The following FBN2 variants were observed in gnomAD, a reference collection of about 807,000 sequenced individuals.
FBN2 encodes fibrillin-2.
A neutral mutation model predicts 355.6 loss-of-function variants in FBN2; 105 were observed. The observed-to-expected ratio is 0.30, with a 90% confidence interval of 0.25 to 0.35. FBN2 has a LOEUF of 0.35. Among genes scored for constraint, FBN2 ranks in the 10% least tolerant of loss-of-function variants. The pLI, the probability that FBN2 is intolerant of heterozygous loss-of-function variation, is 1.00. For synonymous variants in FBN2, 1,350 were observed against 1,301.2 expected (o/e 1.04, Z -0.81); for missense variants, 3,280 against 3,758.7 (o/e 0.87, Z 3.33).
chr5:128,343,254 G>A (rs971810875), intron 25 of FBN2, among the ~76,000 whole-genome samples: 2 of 152,214 alleles, frequency 1.3e-5, no homozygotes, highest in African/African-American at 4.8e-5. Flanking sequence ...GGAGGTGAAT[G>A]CAGTAATCTC....
chr5:128,388,565 A>G (rs1220320491), intron 11 of FBN2, among the ~76,000 whole-genome samples: 4 of 152,188 alleles, frequency 2.6e-5, no homozygotes, highest in African/African-American at 7.2e-5. Flanking sequence ...TGCTTGTCTG[A>G]AAAATATTTT....
At position 128,291,566 on chromosome 5, in the gene FBN2, A is replaced by AG; in HGVS notation, c.6254dup (p.Gly2086TrpfsTer6). ...GTCCATTATCAGATAGTACAAAGCC[A>AG]GGGGGGCAGAGGCACTGGAAGCCCC... On this transcript the variant is annotated frameshift_variant, in exon 49 of 65. Transcript: ENST00000262464. LOFTEE classifies it high-confidence loss of function. 6.2e-7 allele frequency: 1 copy of AG among 1,614,004 alleles called. No individual in the cohort carries two copies. The highest frequency in any genetic ancestry group is 1.1e-5 in the South Asian group (1 of 91,078).
chr5:128,281,980 G>A lies in FBN2; in HGVS notation c.7013-1663C>T, dbSNP rs188490665. Among the ~76,000 whole-genome samples the A allele has an allele frequency of 1.2e-4, 18 of 152,224 alleles. 1 individual carries two copies. Among genetic ancestry groups the A allele is most frequent in the Admixed American group, 2.6e-4 (4 of 15,278 alleles). On this transcript the variant is annotated intron_variant, in intron 55 of 64. Transcript: ENST00000262464. ...GCTGGGATTACAGGTGCGAGCCACCGTGCCCGGCAGGTAATTATTTAAGAG... is the reference window on the plus strand; with the variant it reads ...GCTGGGATTACAGGTGCGAGCCACCATGCCCGGCAGGTAATTATTTAAGAG...
At chr5:128,407,329 G>A (rs1159655667) in intron 8 of FBN2, among the ~76,000 whole-genome samples, 1 of 152,106 alleles carries the variant, frequency 6.6e-6, no homozygotes, top group East Asian at 1.9e-4. Flanking sequence ...GCTATTAGAA[G>A]GACCATATGA....
At chr5:128,334,628 C>A (rs960365065) in intron 31 of FBN2, 91 bp downstream of exon 31, 62 of 1,375,070 alleles carry the variant, frequency 4.5e-5, no homozygotes, top group Middle Eastern at 3.6e-4. Context: ...CAGGTAACCG[C>A]TCTAAGAGAT....
intron 5 of FBN2, 132 bp downstream of exon 5, chr5:128,519,141 A>T (rs1377565173): frequency 1.3e-6 from 1 of 742,496 alleles, no homozygotes; most frequent in Non-Finnish European, 2.4e-6. Context: ...TTACCATTCA[A>T]CTTAGAGACA....
intron 34 of FBN2, chr5:128,328,444 T>C (rs1253710120): frequency 8.4e-5 from 51 of 607,836 alleles, no homozygotes; most frequent in Non-Finnish European, 1.4e-4. Flanking sequence ...AGAGAAGAAA[T>C]GGTTAAAAAA....
At chr5:128,534,807 T>C (rs1357908040) in intron 2 of FBN2, among the ~76,000 whole-genome samples, 1 of 152,206 alleles carries the variant, frequency 6.6e-6, no homozygotes, top group Non-Finnish European at 1.5e-5. Context: ...AATCTGACTT[T>C]ACAGATTTTC....
At chr5:128,447,726 T>C (rs1425151177) in intron 6 of FBN2, among the ~76,000 whole-genome samples, 1 of 152,210 alleles carries the variant, frequency 6.6e-6, no homozygotes, top group Non-Finnish European at 1.5e-5. Context: ...TGAAAATCAC[T>C]AATAAAAACT....
At chr5:128,275,428 C>T (rs994922540) in intron 59 of FBN2, among the ~76,000 whole-genome samples, 3 of 141,678 alleles carry the variant, frequency 2.1e-5, no homozygotes, top group African/African-American at 8.1e-5. Flanking sequence ...CAGGTCCAAG[C>T]GGTGCTTGCT....
Position 128,372,903 on chromosome 5 carries a change from A to G in FBN2, c.2095+1725T>C, listed in dbSNP as rs147255406. On this transcript the variant is annotated intron_variant, in intron 15 of 64. Coordinates refer to ENST00000262464, the MANE Select transcript of FBN2 (RefSeq NM_001999.4). Reference sequence around the variant, plus strand: ...TGGAATCCCAAAGTGTTGGGATTACAGGCATGAGCCACTGCGCCAGGCCTC... The same window carrying G: ...TGGAATCCCAAAGTGTTGGGATTACGGGCATGAGCCACTGCGCCAGGCCTC... Among the ~76,000 whole-genome samples the G allele has an allele frequency of 9.2e-5, 14 of 152,328 alleles. No homozygotes were observed. The East Asian group carries it at 2.7e-3, about 29-fold the overall frequency.
intron 5 of FBN2, among the ~76,000 whole-genome samples, chr5:128,479,922 G>GTC (rs1378546978): frequency 8.5e-6 from 1 of 117,654 alleles, no homozygotes; most frequent in Admixed American, 9.3e-5. Context: ...ACAAGACCTT[G>GTC]TCTCCTTGTC....
Position 128,366,485 on chromosome 5 carries a change from T to A in FBN2, c.2249-55A>T, listed in dbSNP as rs1419802503. ...AAAACTTAACTATACCTATTCCATA[T>A]ACAAGTCATTTCATAACTCCAAAAC... On this transcript the variant is annotated intron_variant, in intron 16 of 64. Transcript: ENST00000262464. 5 of 1,065,828 alleles carry A rather than the reference T, an allele frequency of 4.7e-6. No individual in the cohort carries two copies. In the African/African-American group the frequency reaches 7.8e-5, roughly 17 times the overall value. The allele number at this position is 1,065,828 out of a possible 1,614,324, so 66.0% of individuals were successfully genotyped here.
In FBN2 at chr5:128,317,682, G is replaced by A. The variant is rs114251378; in HGVS notation, c.4717+467C>T. ...CCACAGATTCTGAACCTTCATTACGGCCTCCTCCTCCTCCCTGTCACCTTC... is the reference window on the plus strand; with the variant it reads ...CCACAGATTCTGAACCTTCATTACGACCTCCTCCTCCTCCCTGTCACCTTC... On this transcript the variant is annotated intron_variant, in intron 36 of 64. Transcript: ENST00000262464. Among the ~76,000 whole-genome samples, 1,108 of 152,064 alleles carry A rather than the reference G, an allele frequency of 7.3e-3. 11 individuals are homozygous for A. Among genetic ancestry groups the A allele is most frequent in the African/African-American group, 0.025 (1,038 of 41,468 alleles).
chr5:128,371,643 C>T (rs575400452), intron 15 of FBN2, among the ~76,000 whole-genome samples: 2 of 152,004 alleles, frequency 1.3e-5, no homozygotes, highest in African/African-American at 4.8e-5. Context: ...AAGTGATTCT[C>T]CTGCCTCAGC....
At chr5:128,515,735 T>C (rs1234137710) in intron 5 of FBN2, among the ~76,000 whole-genome samples, 1 of 152,166 alleles carries the variant, frequency 6.6e-6, no homozygotes, top group Non-Finnish European at 1.5e-5. Context: ...CAAAAGTCAT[T>C]TTTCTTTAAA....
intron 48 of FBN2, among the ~76,000 whole-genome samples, chr5:128,296,805 T>G (rs1390998260): frequency 1.3e-5 from 2 of 152,164 alleles, no homozygotes; most frequent in Admixed American, 1.3e-4. Flanking sequence ...GATTCGTTAA[T>G]TTTTTGAAGG....
chr5:128,339,084 A>G, intron 25 of FBN2, 23 bp from the exon 26 acceptor site: 1 of 1,612,674 alleles, frequency 6.2e-7, no homozygotes, highest in Non-Finnish European at 8.5e-7. Context: ...GTTTAAAAGA[A>G]ATTTAAAAAT....
chr5:128,268,178 A>T (rs1456638375), intron 62 of FBN2, among the ~76,000 whole-genome samples: 1 of 152,238 alleles, frequency 6.6e-6, no homozygotes, highest in African/African-American at 2.4e-5. Context: ...CAATAAAAAA[A>T]TGATAAAGGT....
Sources: allele counts gnomAD v4.1 joint callset (sites outside exome capture counted in the v4.1 genomes callset), GRCh38; gene constraint gnomAD v4.1.1; transcripts MANE v1.5; gene names NCBI Gene and HGNC (gene_info 2026-07-23, HGNC 2026-07-21).